Variants in CAMTA1 observed in about 807,000 individuals in gnomAD.
The protein encoded by CAMTA1 is calmodulin-binding transcription activator 1.
A neutral mutation model predicts 170.9 loss-of-function variants in CAMTA1; 27 were observed. The ratio of observed to expected loss-of-function variants is 0.16; its 90% CI spans 0.12 to 0.22. The LOEUF (loss-of-function observed/expected upper bound fraction) is 0.22. CAMTA1 is among the 10% of genes least tolerant of loss of function. CAMTA1 has a pLI of 1.00. For missense variants in CAMTA1, 1,619 were observed against 2,217.2 expected, an observed-to-expected ratio of 0.73 and a Z score of 5.42; for synonymous variants, 833 against 891.5, an observed-to-expected ratio of 0.93 and a Z score of 1.17.
At chr1:7,390,564 A>G (rs988600595) in intron 5 of CAMTA1, among the ~76,000 whole-genome samples, 4 of 152,194 alleles carry the variant, frequency 2.6e-5, no homozygotes, top group Admixed American at 2.6e-4. Flanking sequence ...CCTCCTGTCT[A>G]CAACAGGGTC....
intron 4 of CAMTA1, among the ~76,000 whole-genome samples, chr1:7,183,701 G>C (rs1400774074): frequency 1.3e-5 from 2 of 152,216 alleles, no homozygotes; most frequent in African/African-American, 4.8e-5. Flanking sequence ...GGATACACTA[G>C]TACATGACAA....
intron 11 of CAMTA1, among the ~76,000 whole-genome samples, chr1:7,703,165 C>T (rs921362809): frequency 6.6e-6 from 1 of 152,142 alleles, no homozygotes; most frequent in Non-Finnish European, 1.5e-5. Context: ...CTGCTGAGAG[C>T]GTCAGGAAAA....
At chr1:7,132,113 G>A (rs1297216306) in intron 4 of CAMTA1, among the ~76,000 whole-genome samples, 1 of 151,832 alleles carries the variant, frequency 6.6e-6, no homozygotes, top group Non-Finnish European at 1.5e-5. Context: ...CAATTATTTT[G>A]GCTTTTCTAA....
At chr1:7,654,043 C>G (rs886605121) in intron 7 of CAMTA1, among the ~76,000 whole-genome samples, 2 of 152,020 alleles carry the variant, frequency 1.3e-5, no homozygotes, top group African/African-American at 4.8e-5. Flanking sequence ...GAGCCAGAGG[C>G]GGGGGCTTGA....
In CAMTA1 at chr1:7,673,397, G is replaced by C. The variant is rs2096078032; in HGVS notation, c.2779+2360G>C. Among the ~76,000 whole-genome samples the C allele has an allele frequency of 6.6e-6, 1 of 152,210 alleles. No homozygotes were observed. Among genetic ancestry groups the C allele is most frequent in the Non-Finnish European group, 1.5e-5 (1 of 68,036 alleles). On this transcript the variant is annotated intron_variant, in intron 10 of 22. Coordinates refer to ENST00000303635, the MANE Select transcript of CAMTA1 (RefSeq NM_015215.4). This position sits in a 1 kb window ranked among gnomAD's most constrained non-coding sequence, Gnocchi z 4.6. Reference sequence around the variant, plus strand: ...GTGAGAGGAGGTGTGTGAAGCACCTGGCCCAGTGCTCCATTCCTGAAGGGT... The same window carrying C: ...GTGAGAGGAGGTGTGTGAAGCACCTCGCCCAGTGCTCCATTCCTGAAGGGT...
intron 5 of CAMTA1, among the ~76,000 whole-genome samples, chr1:7,267,950 C>A (rs968659734): frequency 6.6e-6 from 1 of 152,186 alleles, no homozygotes; most frequent in African/African-American, 2.4e-5. Flanking sequence ...TGTCCAGAGG[C>A]TTCCAATGGC....
At chr1:7,283,246 T>G (rs1316525566) in intron 5 of CAMTA1, among the ~76,000 whole-genome samples, 2 of 152,186 alleles carry the variant, frequency 1.3e-5, no homozygotes, top group African/African-American at 4.8e-5. Flanking sequence ...CCACCTGTGC[T>G]TTTCCACATA....
chr1:7,393,839 C>T (rs954278058), intron 5 of CAMTA1, among the ~76,000 whole-genome samples: 1 of 152,046 alleles, frequency 6.6e-6, no homozygotes, highest in African/African-American at 2.4e-5. Context: ...ACTCATTAAC[C>T]AACCCCTCTT....
At chr1:7,654,752 T>TAC (rs1256493316) in intron 7 of CAMTA1, among the ~76,000 whole-genome samples, 2 of 37,962 alleles carry the variant, frequency 5.3e-5, no homozygotes, top group Admixed American at 3.8e-4. Flanking sequence ...TACACACACA[T>TAC]ATACAAACAC....
intron 4 of CAMTA1, among the ~76,000 whole-genome samples, chr1:7,211,869 G>A (rs554162704): frequency 3.7e-4 from 57 of 152,226 alleles, no homozygotes; most frequent in African/African-American, 1.1e-3. Context: ...CTAAACATCC[G>A]TGTTCATGGA....
chr1:6,790,177 G>A (rs1640659971), intron 1 of CAMTA1, among the ~76,000 whole-genome samples: 1 of 151,976 alleles, frequency 6.6e-6, no homozygotes, highest in Admixed American at 6.6e-5. Context: ...AGTCTTGCAA[G>A]GAATTTTTTT....
At position 7,736,586 on chromosome 1, in the gene CAMTA1, C is replaced by T. The variant is rs761088475; in HGVS notation, c.3263+46C>T. ...GCTGGGGGTCAGCCTCGCACATCCT[C>T]GCTCACATTCTTCCTGAGCACTGCC... On this transcript the variant is annotated intron_variant, in intron 13 of 22. Transcript: ENST00000303635. This position sits in a 1 kb window ranked among gnomAD's most constrained non-coding sequence, Gnocchi z 4.5. 1.7e-5 allele frequency: 27 copies of T among 1,565,358 alleles called. No individual in the cohort carries two copies. Among genetic ancestry groups the T allele is most frequent in the African/African-American group, 1.2e-4 (9 of 73,950 alleles).
intron 3 of CAMTA1, among the ~76,000 whole-genome samples, chr1:6,873,858 A>G (rs562783949): frequency 3.4e-4 from 52 of 152,310 alleles, no homozygotes; most frequent in South Asian, 2.5e-3. Context: ...TCATTGAGAA[A>G]AACCTTCATT....
chr1:7,413,781 T>C (rs1477767390), intron 5 of CAMTA1, among the ~76,000 whole-genome samples: 2 of 152,206 alleles, frequency 1.3e-5, no homozygotes, highest in African/African-American at 4.8e-5. Flanking sequence ...TGGCCAGAAC[T>C]TCCAACACTA....
chr1:7,036,961 G>A (rs911234007), intron 3 of CAMTA1, among the ~76,000 whole-genome samples: 5 of 152,184 alleles, frequency 3.3e-5, no homozygotes, highest in African/African-American at 1.2e-4. Flanking sequence ...TTGGAAGTTC[G>A]GGGCTGGTAC....
At chr1:7,440,486 C>T (rs1212456468) in intron 5 of CAMTA1, among the ~76,000 whole-genome samples, 1 of 152,242 alleles carries the variant, frequency 6.6e-6, no homozygotes, top group East Asian at 1.9e-4. Context: ...TGATTGATTG[C>T]GTCGTTCAGA....
chr1:7,562,303 TA>T lies in CAMTA1; in HGVS notation c.511-78094del. Among the ~76,000 whole-genome samples, 1 of 152,352 alleles carries T rather than the reference TA, an allele frequency of 6.6e-6. No individual in the cohort carries two copies. Among genetic ancestry groups the T allele is most frequent in the Middle Eastern group, 3.4e-3 (1 of 294 alleles). ...GGTGTTTTGCCTTGGTTTGAATATG[TA>T]AAGGCACTAAGCTGTTTAATTCGGT... On this transcript the variant is annotated intron_variant, in intron 6 of 22. Coordinates refer to ENST00000303635, the MANE Select transcript of CAMTA1 (RefSeq NM_015215.4). The surrounding 1 kb of genome is among the most constrained non-coding windows in gnomAD (Gnocchi z 4.8).
chr1:6,801,814 TAAAAA>T lies in CAMTA1; in HGVS notation c.45+16249_45+16253del, dbSNP rs34313253. Among the ~76,000 whole-genome samples the T allele has an allele frequency of 2.8e-5, 4 of 141,494 alleles. 1 individual carries two copies. Among genetic ancestry groups the T allele is most frequent in the Non-Finnish European group, 3.1e-5 (2 of 64,746 alleles). The allele number at this position is 141,494 out of a possible 152,430, so 92.8% of individuals were successfully genotyped here. A position where few individuals can be genotyped will look rare whatever the true frequency, so the allele number is the denominator to read the frequency against. On this transcript the variant is annotated intron_variant, in intron 1 of 22. Transcript: ENST00000303635. Reference sequence around the variant, plus strand: ...TAAATAAACTGTCAGAATCACACATTAAAAAAAAAAAAAAGTGATGGTAATCAGGC... The same window carrying T: ...TAAATAAACTGTCAGAATCACACATTAAAAAAAAAGTGATGGTAATCAGGC...
intron 3 of CAMTA1, among the ~76,000 whole-genome samples, chr1:6,878,694 C>T (rs540363327): frequency 1.3e-5 from 2 of 152,322 alleles, no homozygotes; most frequent in South Asian, 4.1e-4. Context: ...GCGATTTGTT[C>T]TAGTTCCGTT....
Sources: allele counts gnomAD v4.1 joint callset (sites outside exome capture counted in the v4.1 genomes callset), GRCh38; gene constraint gnomAD v4.1.1; non-coding constraint Gnocchi (gnomAD v3.1); transcripts MANE v1.5; gene names NCBI Gene and HGNC (gene_info 2026-07-23, HGNC 2026-07-21).